CAPN5: variants seen among roughly 807,000 people sequenced by gnomAD.
CAPN5 encodes calpain 5.
A neutral mutation model predicts 73.0 loss-of-function variants in CAPN5; 54 were observed. The ratio of observed to expected loss-of-function variants is 0.74; its 90% CI spans 0.59 to 0.93. CAPN5 has a LOEUF of 0.93. CAPN5 is among the 40% of genes least tolerant of loss of function. The probability of loss-of-function intolerance (pLI) is 0.00; values close to 1 mark genes in which losing one functional copy is unlikely to be tolerated. For missense variants in CAPN5, 785 were observed against 882.9 expected (o/e 0.89, Z 1.41); for synonymous variants, 335 against 356.9 (o/e 0.94, Z 0.69).
At chr11:77,069,815 G>T (rs143441710) in intron 1 of CAPN5, among the ~76,000 whole-genome samples, 1 of 152,148 alleles carries the variant, frequency 6.6e-6, no homozygotes, top group African/African-American at 2.4e-5. Flanking sequence ...CTCCATCCCT[G>T]GTCCCCGCTC....
At chr11:77,073,961 G>A (rs746308297) in intron 1 of CAPN5, among the ~76,000 whole-genome samples, 90 of 152,262 alleles carry the variant, frequency 5.9e-4, no homozygotes, top group Non-Finnish European at 1.1e-3. Context: ...TCCCCACCCT[G>A]CCATCCATTC....
chr11:77,087,357 C>T (rs1555035719), intron 2 of CAPN5, among the ~76,000 whole-genome samples: 1 of 152,188 alleles, frequency 6.6e-6, no homozygotes, highest in Non-Finnish European at 1.5e-5. Context: ...GAACTTTGGC[C>T]TCAGGCAGCC....
chr11:77,071,088 A>G (rs1443487999), intron 1 of CAPN5, among the ~76,000 whole-genome samples: 1 of 152,070 alleles, frequency 6.6e-6, no homozygotes, highest in Non-Finnish European at 1.5e-5. Flanking sequence ...AGCCCACCCC[A>G]GGAGCTGACA....
intron 3 of CAPN5, among the ~76,000 whole-genome samples, chr11:77,097,464 G>GT (rs58077755): frequency 0.023 from 1,828 of 79,704 alleles, 68 homozygotes; most frequent in African/African-American, 0.043. Flanking sequence ...TTTCCTTCTA[G>GT]TTTTTTTTTT....
At chr11:77,080,355 G>A (rs1194315650) in intron 1 of CAPN5, among the ~76,000 whole-genome samples, 1 of 152,148 alleles carries the variant, frequency 6.6e-6, no homozygotes, top group Non-Finnish European at 1.5e-5. Flanking sequence ...TTGCTGCTGG[G>A]CTTGGGCTCA....
Position 77,120,859 on chromosome 11 carries a change from C to T in CAPN5, c.1437C>T (p.His479=). Residue 479 remains histidine, a synonymous_variant, in exon 10 of 13, where the codon CAC becomes CAT. Transcript: ENST00000648180. ...TCCCCACAACCTTCGAGCCAGGCCACACTGGCGAGTTCCTGCTCCGAGTCT... is the reference window on the plus strand; with the variant it reads ...TCCCCACAACCTTCGAGCCAGGCCATACTGGCGAGTTCCTGCTCCGAGTCT... ...VIIPTTFEPG[H]TGEFLLRVFT... The T allele has an allele frequency of 1.2e-6, 2 of 1,614,178 alleles. No individual in the cohort carries two copies. The highest frequency in any genetic ancestry group is 2.2e-5 in the East Asian group (1 of 44,882).
Position 77,118,307 on chromosome 11 carries a change from T to TGGCGGCTGC in CAPN5, c.1123_1131dup (p.Gly375_Cys377dup), listed in dbSNP as rs1209757019. On this transcript the variant is annotated inframe_insertion, in exon 8 of 13. Coordinates refer to ENST00000648180, the MANE Select transcript of CAPN5 (RefSeq NM_004055.5). ...ATGAGGACCCGCGACAGAACCGCGGTGGCGGCTGCATCAACCACAAGGACA... is the reference window on the plus strand; with the variant it reads ...ATGAGGACCCGCGACAGAACCGCGGTGGCGGCTGCGGCGGCTGCATCAACCACAAGGACA... 6.2e-7 allele frequency: 1 copy of TGGCGGCTGC among 1,610,008 alleles called. No individual in the cohort carries two copies. The highest frequency in any genetic ancestry group is 1.6e-4 in the Middle Eastern group (1 of 6,068).
Position 77,114,424 on chromosome 11 carries a change from C to T in CAPN5, c.689C>T (p.Ala230Val), listed in dbSNP as rs145558320. The T allele has an allele frequency of 3.1e-6, 5 of 1,614,002 alleles. No homozygotes were observed. The highest frequency in any genetic ancestry group is 4.2e-6 in the Non-Finnish European group (5 of 1,179,978). ...KVHSRGGLISASIKAVTAADM... is the reference protein window; with the variant it reads ...KVHSRGGLISVSIKAVTAADM... ...CACAGCCGGGGCGGCCTCATCAGTG[C>T]CTCCATCAAGGTGAGAACACGGCAG... is the stretch of plus-strand genomic sequence containing the variant. The change falls in exon 5 of 13, where the codon GCC becomes GTC. Residue 230 changes from alanine (A) to valine (V), a missense_variant. Coordinates refer to ENST00000648180, the MANE Select transcript of CAPN5 (RefSeq NM_004055.5).
intron 1 of CAPN5, among the ~76,000 whole-genome samples, chr11:77,067,712 T>TG (rs5792755): frequency 1 from 149,834 of 149,836 alleles, 74,916 homozygotes; most frequent in Non-Finnish European, 1. Flanking sequence ...AATGGATCTT[T>TG]GTTTCTCAGA....
intron 3 of CAPN5, among the ~76,000 whole-genome samples, chr11:77,105,468 C>T (rs782015283): frequency 1.4e-4 from 21 of 152,288 alleles, no homozygotes; most frequent in Admixed American, 2.6e-4. Context: ...GCCATCTGGG[C>T]GCCGCCGAGG....
intron 3 of CAPN5, among the ~76,000 whole-genome samples, chr11:77,109,810 G>A (rs1555040481): frequency 6.6e-6 from 1 of 152,194 alleles, no homozygotes; most frequent in African/African-American, 2.4e-5. Context: ...GGGTCTCCAG[G>A]CCCTGGAGCC....
chr11:77,067,632 C>CGTGTGT (rs71043542), intron 1 of CAPN5, among the ~76,000 whole-genome samples: 25,245 of 126,532 alleles, frequency 0.2, 2,775 homozygotes, highest in South Asian at 0.26. Flanking sequence ...GGCGGGCGCA[C>CGTGTGT]GTGTGTGTGT....
intron 1 of CAPN5, among the ~76,000 whole-genome samples, chr11:77,077,771 TC>T (rs1353816434): frequency 6.6e-6 from 1 of 152,192 alleles, no homozygotes. Context: ...TGCCTCGGCC[TC>T]CCAAAGTGCT....
chr11:77,097,111 A>ATT (rs2135442541), intron 3 of CAPN5, among the ~76,000 whole-genome samples: 1 of 152,214 alleles, frequency 6.6e-6, no homozygotes, highest in South Asian at 2.1e-4. Flanking sequence ...AGTCCCAGCT[A>ATT]CTTGGGAGGC....
rs574230219 is a variant in CAPN5 at position 77,113,877 on chromosome 11, A to G, written c.507-365A>G. Among the ~76,000 whole-genome samples, 7 of 152,312 alleles carry G rather than the reference A, an allele frequency of 4.6e-5. No homozygotes were observed. In the South Asian group the frequency reaches 1.5e-3, roughly 32 times the overall value. ...TGGCATTCATTATGATCACAGTGCTATGGGCCATCACCACTATCTATCCCC... is the reference window on the plus strand; with the variant it reads ...TGGCATTCATTATGATCACAGTGCTGTGGGCCATCACCACTATCTATCCCC... On this transcript the variant is annotated intron_variant, in intron 4 of 12. Coordinates refer to ENST00000648180, the MANE Select transcript of CAPN5 (RefSeq NM_004055.5).
In CAPN5 at chr11:77,115,330, A is replaced by G; in HGVS notation, c.700-65A>G. ...CCGTGCAGCCTCCTAGCCCTCCAGC[A>G]CCTGAGTCCCTGGTCTGGGTTCCAG... On this transcript the variant is annotated intron_variant, in intron 5 of 12. Coordinates refer to ENST00000648180, the MANE Select transcript of CAPN5 (RefSeq NM_004055.5). 5 of 1,383,194 alleles carry G rather than the reference A, an allele frequency of 3.6e-6. No homozygotes were observed. The South Asian group carries it at 5.3e-5, about 15-fold the overall frequency. 85.7% of individuals were successfully genotyped at this position (1,383,194 alleles called of 1,614,324 possible). A position where few individuals can be genotyped will look rare whatever the true frequency, so the allele number is the denominator to read the frequency against.
At chr11:77,094,495 A>G (rs1555037221) in intron 3 of CAPN5, among the ~76,000 whole-genome samples, 3 of 152,234 alleles carry the variant, frequency 2.0e-5, no homozygotes, top group African/African-American at 7.2e-5. Flanking sequence ...GATTCCGTGC[A>G]CAGGAGGCAG....
intron 3 of CAPN5, among the ~76,000 whole-genome samples, chr11:77,097,221 CA>C (rs112304571): frequency 2.3e-4 from 34 of 145,932 alleles, no homozygotes; most frequent in Non-Finnish European, 2.9e-4. Flanking sequence ...GACTCCATCT[CA>C]AAAAAAAAAA....
chr11:77,122,465 G>GTC (rs1486600616), intron 11 of CAPN5, 111 bp from the exon 12 acceptor site: 1 of 946,168 alleles, frequency 1.1e-6, no homozygotes, highest in Non-Finnish European at 1.6e-6. Flanking sequence ...TCAGGCTCCA[G>GTC]TCTCTCCATC....
Sources: gnomAD v4.1 joint callset for allele counts (sites outside exome capture counted in the v4.1 genomes callset) on GRCh38, gnomAD v4.1.1 for gene constraint, MANE v1.5 for transcripts, NCBI Gene and HGNC (gene_info 2026-07-23, HGNC 2026-07-21) for gene names.